The following GALNT17 variants were observed in gnomAD, a reference collection of about 807,000 sequenced individuals.
GALNT17 encodes the protein UDP-GalNAc:polypeptide N-acetylgalactosaminyltransferase-like 3.
Under a neutral mutation model 63.7 loss-of-function variants are expected in GALNT17, and 29 were observed. The observed-to-expected ratio is 0.46, with a 90% CI of 0.34 to 0.62. GALNT17 has a LOEUF of 0.62. Among genes scored for constraint, GALNT17 ranks in the 20% least tolerant of loss-of-function variants. The probability of loss-of-function intolerance (pLI) is 0.01; values close to 1 mark genes in which losing one functional copy is unlikely to be tolerated. For missense variants in GALNT17, 603 were observed against 799.6 expected (o/e 0.75, Z 2.97); for synonymous variants, 305 against 318.3 (o/e 0.96, Z 0.45).
chr7:71,180,754 G>A (rs1788720086), intron 1 of GALNT17, among the ~76,000 whole-genome samples: 1 of 152,172 alleles, frequency 6.6e-6, no homozygotes, highest in African/African-American at 2.4e-5. Context: ...GGGCAAATCA[G>A]TTTGGGGTGG....
chr7:71,390,837 C>T (rs1262086088), intron 3 of GALNT17, among the ~76,000 whole-genome samples: 2 of 152,122 alleles, frequency 1.3e-5, no homozygotes, highest in Non-Finnish European at 2.9e-5. Flanking sequence ...TGAAGGGAAG[C>T]CATTGTAAAA....
chr7:71,142,047 T>TGTGTGTGTGTGTGTG (rs57769191), intron 1 of GALNT17, among the ~76,000 whole-genome samples: 3 of 146,816 alleles, frequency 2.0e-5, no homozygotes, highest in African/African-American at 5.1e-5. Flanking sequence ...TGTGTGTGTG[T>TGTGTGTGTGTGTGTG]TTAGTAGAGA....
intron 1 of GALNT17, among the ~76,000 whole-genome samples, chr7:71,165,131 G>C (rs1432789866): frequency 6.6e-6 from 1 of 151,260 alleles, no homozygotes; most frequent in Non-Finnish European, 1.5e-5. Context: ...AAAATAATTT[G>C]CTTCGCATTG....
At chr7:71,267,885 A>T (rs946801273) in intron 1 of GALNT17, among the ~76,000 whole-genome samples, 2 of 38,092 alleles carry the variant, frequency 5.3e-5, no homozygotes, top group Non-Finnish European at 9.9e-5. Flanking sequence ...AGCAGGCCCC[A>T]GTGTGTGTTT....
chr7:71,473,754 AC>A lies in GALNT17; in HGVS notation c.962+52650del, dbSNP rs796828780. On this transcript the variant is annotated intron_variant, in intron 5 of 10. Coordinates refer to ENST00000333538, the MANE Select transcript of GALNT17 (RefSeq NM_022479.3). ...CTTTTATTTTTGCCTTACACTTTGGACAAGTCTCCTAACCTGTCAGGGACTC... is the reference window on the plus strand; with the variant it reads ...CTTTTATTTTTGCCTTACACTTTGGAAAGTCTCCTAACCTGTCAGGGACTC... Among the ~76,000 whole-genome samples, 36 of 152,230 alleles carry A rather than the reference AC, an allele frequency of 2.4e-4. 1 individual carries two copies. Among genetic ancestry groups the A allele is most frequent in the African/African-American group, 8.2e-4 (34 of 41,534 alleles).
chr7:71,701,579 G>C (rs1020198188), intron 9 of GALNT17, among the ~76,000 whole-genome samples: 1 of 151,530 alleles, frequency 6.6e-6, no homozygotes, highest in Non-Finnish European at 1.5e-5. Flanking sequence ...GGCACTCCTG[G>C]GTATCTACCC....
chr7:71,170,179 T>G (rs1386842472), intron 1 of GALNT17, among the ~76,000 whole-genome samples: 1 of 152,164 alleles, frequency 6.6e-6, no homozygotes, highest in Non-Finnish European at 1.5e-5. Context: ...GCCTTGATAG[T>G]GAATGTTGTG....
At chr7:71,312,813 A>G (rs1192078006) in intron 1 of GALNT17, among the ~76,000 whole-genome samples, 1 of 152,210 alleles carries the variant, frequency 6.6e-6, no homozygotes, top group African/African-American at 2.4e-5. Context: ...ATGGGACAAA[A>G]TTCAGCCCAT....
intron 6 of GALNT17, among the ~76,000 whole-genome samples, chr7:71,630,722 A>G (rs1179142535): frequency 6.6e-6 from 1 of 152,228 alleles, no homozygotes; most frequent in Non-Finnish European, 1.5e-5. Context: ...ACTGAAAGGC[A>G]GGCCAGAGAC....
intron 5 of GALNT17, among the ~76,000 whole-genome samples, chr7:71,500,554 C>T (rs1448443904): frequency 1.3e-5 from 2 of 152,190 alleles, no homozygotes; most frequent in East Asian, 1.9e-4. Flanking sequence ...TATGGCTACA[C>T]CTCCAGAGCT....
chr7:71,340,292 A>G (rs1382155843), intron 2 of GALNT17, among the ~76,000 whole-genome samples: 5 of 152,212 alleles, frequency 3.3e-5, no homozygotes, highest in Non-Finnish European at 2.9e-5. Context: ...AAGATGAACT[A>G]TAGTTCATAG....
intron 9 of GALNT17, among the ~76,000 whole-genome samples, chr7:71,683,442 C>T (rs976471328): frequency 3.9e-5 from 6 of 152,148 alleles, no homozygotes; most frequent in African/African-American, 1.4e-4. Context: ...AGGCGGCTCT[C>T]AGCAGAAGGA....
intron 6 of GALNT17, among the ~76,000 whole-genome samples, chr7:71,628,398 CT>C (rs1186128532): frequency 1.3e-5 from 2 of 152,116 alleles, no homozygotes; most frequent in Non-Finnish European, 2.9e-5. Flanking sequence ...TCTTGGCTCA[CT>C]GCACCCTTTG....
intron 6 of GALNT17, among the ~76,000 whole-genome samples, chr7:71,614,991 C>T (rs1790180408): frequency 6.6e-6 from 1 of 152,142 alleles, no homozygotes; most frequent in Admixed American, 6.6e-5. Context: ...TGTCCAGCCT[C>T]ACATTTCTAG....
intron 1 of GALNT17, among the ~76,000 whole-genome samples, chr7:71,287,058 A>G (rs1042675583): frequency 6.6e-6 from 1 of 151,446 alleles, no homozygotes; most frequent in Admixed American, 6.6e-5. Flanking sequence ...GATTACAGGC[A>G]TGAGTTACTG....
intron 2 of GALNT17, among the ~76,000 whole-genome samples, chr7:71,356,870 C>T: frequency 6.6e-6 from 1 of 152,186 alleles, no homozygotes; most frequent in East Asian, 1.9e-4. Context: ...CAACCACCGC[C>T]TTCTGGGTTC....
At chr7:71,151,256 T>C (rs991344731) in intron 1 of GALNT17, among the ~76,000 whole-genome samples, 7 of 152,134 alleles carry the variant, frequency 4.6e-5, no homozygotes, top group African/African-American at 1.7e-4. Context: ...AGTGGGGGGA[T>C]GGTGAGATGG....
At chr7:71,472,187 G>A (rs1787643448) in intron 5 of GALNT17, among the ~76,000 whole-genome samples, 1 of 151,914 alleles carries the variant, frequency 6.6e-6, no homozygotes, top group Non-Finnish European at 1.5e-5. Context: ...TCTAAGGCAT[G>A]GATCCCACTC....
chr7:71,688,222 G>C (rs1791390479), intron 9 of GALNT17, among the ~76,000 whole-genome samples: 2 of 152,098 alleles, frequency 1.3e-5, no homozygotes, highest in South Asian at 4.1e-4. Context: ...TTACCTCGTT[G>C]CATGCAGATA....
Sources: gnomAD v4.1 joint callset for allele counts (sites outside exome capture counted in the v4.1 genomes callset) on GRCh38, gnomAD v4.1.1 for gene constraint, MANE v1.5 for transcripts, NCBI Gene and HGNC (gene_info 2026-07-23, HGNC 2026-07-21) for gene names.